Variants in KCNIP4 observed in about 807,000 individuals in gnomAD.
KCNIP4 encodes the protein Kv channel-interacting protein 4.
A neutral mutation model predicts 34.0 loss-of-function variants in KCNIP4; 12 were observed. The ratio of observed to expected loss-of-function variants is 0.35; its 90% confidence interval spans 0.23 to 0.57. The LOEUF (loss-of-function observed/expected upper bound fraction) is 0.57, where lower values mean the gene tolerates loss of function less well. KCNIP4 is among the 20% of genes least tolerant of loss of function. The probability of loss-of-function intolerance (pLI) is 0.83; values close to 1 mark genes in which losing one functional copy is unlikely to be tolerated. For synonymous variants in KCNIP4, 124 were observed against 102.2 expected, an observed-to-expected ratio of 1.21 and a Z score of -1.29; for missense variants, 238 against 311.7, an observed-to-expected ratio of 0.76 and a Z score of 1.78.
At chr4:21,658,479 G>A (rs769163791) in intron 1 of KCNIP4, among the ~76,000 whole-genome samples, 5 of 152,006 alleles carry the variant, frequency 3.3e-5, no homozygotes, top group South Asian at 2.1e-4. Flanking sequence ...GCAATGGCAC[G>A]ATCTCAGCTC....
intron 3 of KCNIP4, among the ~76,000 whole-genome samples, chr4:20,835,546 T>C (rs1491368): frequency 0.18 from 26,870 of 152,116 alleles, 2,510 homozygotes; most frequent in South Asian, 0.36. Context: ...TGGTTCATTA[T>C]ATGCATTCAA....
At chr4:20,743,479 A>T (rs1490395135) in intron 5 of KCNIP4, among the ~76,000 whole-genome samples, 2 of 152,182 alleles carry the variant, frequency 1.3e-5, no homozygotes, top group African/African-American at 2.4e-5. Context: ...ATCTACAACC[A>T]TCTGATCTTT....
chr4:21,413,585 C>T (rs951044534), intron 1 of KCNIP4, among the ~76,000 whole-genome samples: 3 of 152,124 alleles, frequency 2.0e-5, no homozygotes, highest in African/African-American at 7.2e-5. Flanking sequence ...AAGTGTTGCA[C>T]TGCAATGAAC....
chr4:20,734,315 A>T (rs146328948), intron 6 of KCNIP4, among the ~76,000 whole-genome samples: 1 of 152,312 alleles, frequency 6.6e-6, no homozygotes, highest in East Asian at 1.9e-4. Flanking sequence ...GCTTCAGGCT[A>T]AATGTTGAAA....
chr4:21,787,567 A>G (rs1015742270), intron 1 of KCNIP4, among the ~76,000 whole-genome samples: 1 of 152,186 alleles, frequency 6.6e-6, no homozygotes, highest in Non-Finnish European at 1.5e-5. Context: ...ACATATAAGA[A>G]GCTGAAGTTC....
At chr4:21,241,682 C>A (rs1038280620) in intron 1 of KCNIP4, among the ~76,000 whole-genome samples, 1 of 152,106 alleles carries the variant, frequency 6.6e-6, no homozygotes, top group Non-Finnish European at 1.5e-5. Flanking sequence ...TTGTCATTCT[C>A]TAAGATGAAA....
At chr4:21,625,012 T>C (rs1745229697) in intron 1 of KCNIP4, among the ~76,000 whole-genome samples, 1 of 152,146 alleles carries the variant, frequency 6.6e-6, no homozygotes, top group African/African-American at 2.4e-5. Context: ...TCTATTTTTT[T>C]TAACCAAAAT....
intron 1 of KCNIP4, among the ~76,000 whole-genome samples, chr4:21,693,587 G>A (rs1049130157): frequency 1.3e-5 from 2 of 151,926 alleles, no homozygotes; most frequent in African/African-American, 4.8e-5. Context: ...AAATAAATAA[G>A]TCTTTATATG....
chr4:20,962,394 C>T (rs932873083), intron 1 of KCNIP4, among the ~76,000 whole-genome samples: 5 of 152,236 alleles, frequency 3.3e-5, no homozygotes, highest in African/African-American at 1.2e-4. Context: ...AAGCCTCCCA[C>T]CTGGCTTCCA....
chr4:21,631,849 A>G (rs994029981), intron 1 of KCNIP4, among the ~76,000 whole-genome samples: 1 of 152,202 alleles, frequency 6.6e-6, no homozygotes, highest in African/African-American at 2.4e-5. Context: ...CTTGAGGGTT[A>G]TGAAATAAAA....
At chr4:21,468,807 C>G (rs937768088) in intron 1 of KCNIP4, among the ~76,000 whole-genome samples, 17 of 152,128 alleles carry the variant, frequency 1.1e-4, no homozygotes, top group Non-Finnish European at 1.9e-4. Flanking sequence ...CCCTGTTTCG[C>G]TTTTTTGCTA....
chr4:21,354,612 T>C (rs767108516), intron 1 of KCNIP4, among the ~76,000 whole-genome samples: 21 of 152,158 alleles, frequency 1.4e-4, no homozygotes, highest in Non-Finnish European at 2.5e-4. Context: ...CCTAAAGATA[T>C]ATGCACCCAA....
intron 1 of KCNIP4, among the ~76,000 whole-genome samples, chr4:21,224,336 G>A (rs575664494): frequency 3.5e-4 from 53 of 152,072 alleles, no homozygotes; most frequent in South Asian, 4.2e-4. Flanking sequence ...GGAAGAGAGA[G>A]CAATCCTGTG....
At chr4:21,534,712 AC>A (rs1202318614) in intron 1 of KCNIP4, among the ~76,000 whole-genome samples, 2 of 152,196 alleles carry the variant, frequency 1.3e-5, no homozygotes, top group East Asian at 3.9e-4. Context: ...TGCCTGTAGG[AC>A]ACATCTTCCC....
Position 20,919,886 on chromosome 4 carries a change from C to T in KCNIP4, c.62-37177G>A, listed in dbSNP as rs76393123. ...TTTAGTGGAACTGGCCTCAGAAACCCAATTTCTGGCTAACACATAACCCTA... is the reference window on the plus strand; with the variant it reads ...TTTAGTGGAACTGGCCTCAGAAACCTAATTTCTGGCTAACACATAACCCTA... On this transcript the variant is annotated intron_variant, in intron 1 of 8. Coordinates refer to ENST00000382152, the MANE Select transcript of KCNIP4 (RefSeq NM_025221.6). 1.8e-4 allele frequency among the ~76,000 whole-genome samples: 28 copies of T among 152,162 alleles called. No homozygotes were observed. The East Asian group carries it at 5.4e-3, about 30-fold the overall frequency.
chr4:21,501,095 T>C (rs559780841), intron 1 of KCNIP4, among the ~76,000 whole-genome samples: 82 of 152,286 alleles, frequency 5.4e-4, no homozygotes, highest in African/African-American at 1.8e-3. Context: ...ATTATTTACA[T>C]TCATGAGGCA....
In KCNIP4 at chr4:21,785,871, G is replaced by A. The variant is rs559215519; in HGVS notation, c.61+162700C>T. On this transcript the variant is annotated intron_variant, in intron 1 of 8. Coordinates refer to ENST00000382152, the MANE Select transcript of KCNIP4 (RefSeq NM_025221.6). ...TCGTCAGTTGATGGACATTTGAATT[G>A]TTCCCACTTTTTGACTATTACAAAT... Among the ~76,000 whole-genome samples the A allele has an allele frequency of 4.7e-4, 72 of 152,230 alleles. 1 individual carries two copies. The highest frequency in any genetic ancestry group is 1.6e-3 in the African/African-American group (66 of 41,552).
intron 1 of KCNIP4, among the ~76,000 whole-genome samples, chr4:20,890,163 TG>T (rs373358175): frequency 1.7e-4 from 26 of 152,308 alleles, no homozygotes; most frequent in African/African-American, 5.8e-4. Context: ...TGCTAGGAAC[TG>T]TCTCAGATGC....
chr4:21,499,970 A>C (rs1733176985), intron 1 of KCNIP4, among the ~76,000 whole-genome samples: 1 of 152,190 alleles, frequency 6.6e-6, no homozygotes. Context: ...AAATTTTAGA[A>C]AATGAAGCAT....
Sources: allele counts gnomAD v4.1 joint callset (sites outside exome capture counted in the v4.1 genomes callset), GRCh38; gene constraint gnomAD v4.1.1; transcripts MANE v1.5; gene names NCBI Gene and HGNC (gene_info 2026-07-23, HGNC 2026-07-21).